The following WDR44 variants were observed in gnomAD, a reference collection of about 807,000 sequenced individuals.
WDR44 encodes the protein WD repeat domain 44, also known as WD repeat-containing protein 44.
A neutral mutation model predicts 65.7 loss-of-function variants in WDR44; 9 were observed. The ratio of observed to expected loss-of-function variants is 0.14; its 90% confidence interval spans 0.08 to 0.24. The LOEUF is 0.24. Ranked by LOEUF, WDR44 falls within the 10% of genes least tolerant of loss-of-function variation. WDR44 has a pLI of 1.00. For missense variants in WDR44, 425 were observed against 670.9 expected (o/e 0.63, Z 4.05); for synonymous variants, 220 against 235.2 (o/e 0.94, Z 0.59).
chrX:118,420,948 G>C (rs1288222969), intron 12 of WDR44, among the ~76,000 whole-genome samples: 5 of 112,091 alleles, frequency 4.5e-5, no homozygotes, highest in African/African-American at 1.3e-4. Flanking sequence ...GTACTTCACA[G>C]ATTTTAGTAT....
chrX:118,415,035 T>TA (rs1165181166), intron 12 of WDR44, among the ~76,000 whole-genome samples: 2 of 111,892 alleles, frequency 1.8e-5, no homozygotes, highest in African/African-American at 6.5e-5. Context: ...TGGCTTTTAT[T>TA]ACACTGAGAT....
intron 16 of WDR44, 103 bp downstream of exon 16, chrX:118,442,448 G>A (rs959781749): frequency 7.2e-5 from 68 of 945,296 alleles, no homozygotes; most frequent in Non-Finnish European, 9.2e-5. Flanking sequence ...GTGGAATACC[G>A]CTTTTCTTCT....
chrX:118,380,504 G>A (rs2056704862), intron 2 of WDR44, among the ~76,000 whole-genome samples: 1 of 111,800 alleles, frequency 8.9e-6, no homozygotes. Flanking sequence ...GGTTGAAAGG[G>A]TCACGATCCA....
chrX:118,420,801 T>C (rs780475989), intron 12 of WDR44, among the ~76,000 whole-genome samples: 8 of 112,623 alleles, frequency 7.1e-5, no homozygotes, highest in Non-Finnish European at 1.1e-4. Context: ...TCTTATTATT[T>C]TCCCTGAATC....
chrX:118,390,212 G>A (rs1220042627), intron 3 of WDR44, among the ~76,000 whole-genome samples: 1 of 110,993 alleles, frequency 9.0e-6, no homozygotes, highest in Admixed American at 9.7e-5. Flanking sequence ...ATAAGTCACC[G>A]TGTCCGGTCA....
At chrX:118,370,684 A>C (rs1198778714) in intron 1 of WDR44, among the ~76,000 whole-genome samples, 1 of 110,303 alleles carries the variant, frequency 9.1e-6, no homozygotes, top group African/African-American at 3.3e-5. Flanking sequence ...TCCTGGTTTA[A>C]GGAATTCTCC....
Position 118,346,447 on chromosome X carries a change from A to G in WDR44, c.-57A>G. The G allele has an allele frequency of 3.7e-6, 4 of 1,079,206 alleles. No individual in the cohort carries two copies. The highest frequency in any genetic ancestry group is 5.2e-6 in the Non-Finnish European group (4 of 776,590). The allele number at this position is 1,079,206 out of a possible 1,213,427, so 88.9% of individuals were successfully genotyped here. On this transcript the variant is annotated 5_prime_UTR_variant, in exon 1 of 20. Transcript: ENST00000254029. Reference sequence around the variant, plus strand: ...GGTGGAGGTCGACGAGGAGGAGACAAGAGTCACCCTTCCTCCAGGCGGCGC... The same window carrying G: ...GGTGGAGGTCGACGAGGAGGAGACAGGAGTCACCCTTCCTCCAGGCGGCGC...
chrX:118,426,002 G>A (rs375004730), intron 12 of WDR44, among the ~76,000 whole-genome samples: 2 of 112,281 alleles, frequency 1.8e-5, no homozygotes, highest in East Asian at 5.6e-4. Context: ...TTGAACCCGG[G>A]AGGCGGAGGT....
chrX:118,346,307 C>T lies in WDR44; in HGVS notation c.-197C>T, dbSNP rs1275906143. On this transcript the variant is annotated 5_prime_UTR_variant, in exon 1 of 20. Coordinates refer to ENST00000254029, the MANE Select transcript of WDR44 (RefSeq NM_019045.5). Reference sequence around the variant, plus strand: ...CCGCCTCTTCAGGCGGCCGCTTTGCCGGTCATTCCCGAAGCCCGGCAACTG... The same window carrying T: ...CCGCCTCTTCAGGCGGCCGCTTTGCTGGTCATTCCCGAAGCCCGGCAACTG... 2.4e-6 allele frequency: 1 copy of T among 419,291 alleles called. No individual in the cohort carries two copies. The highest frequency in any genetic ancestry group is 4.2e-6 in the Non-Finnish European group (1 of 239,537). 34.6% of individuals were successfully genotyped at this position (419,291 alleles called of 1,213,427 possible). A position where few individuals can be genotyped will look rare whatever the true frequency, so the allele number is the denominator to read the frequency against.
At chrX:118,347,214 T>C (rs185712294) in intron 1 of WDR44, among the ~76,000 whole-genome samples, 2 of 112,172 alleles carry the variant, frequency 1.8e-5, no homozygotes, top group Non-Finnish European at 3.8e-5. Flanking sequence ...ACGGTCCCTA[T>C]TAGGCAGAAT....
intron 12 of WDR44, among the ~76,000 whole-genome samples, chrX:118,422,537 C>T (rs944742070): frequency 1.1e-4 from 12 of 108,790 alleles, no homozygotes; most frequent in South Asian, 4.0e-4. Context: ...ACTAAAAATA[C>T]GAAAATTAGC....
chrX:118,377,723 C>CTTTT (rs1189608732), intron 1 of WDR44, among the ~76,000 whole-genome samples: 6 of 78,738 alleles, frequency 7.6e-5, no homozygotes, highest in East Asian at 8.3e-4. Context: ...TCTTCTCTCT[C>CTTTT]TTTTTTTTTT....
chrX:118,378,195 C>T (rs377679446), intron 1 of WDR44, among the ~76,000 whole-genome samples: 1 of 111,929 alleles, frequency 8.9e-6, no homozygotes, highest in Non-Finnish European at 1.9e-5. Flanking sequence ...TCAGGTGATC[C>T]GCCTGCCTCA....
chrX:118,440,949 C>CTTTTTTTTTT lies in WDR44; in HGVS notation c.1975-399_1975-390dup, dbSNP rs1214126337. On this transcript the variant is annotated intron_variant, in intron 14 of 19. Transcript: ENST00000254029. ...AAGAATAAAAATTTTTAAATGAAAT[C>CTTTTTTTTTT]TTTTTTTTTTTTTTTTTTTTTTTTT... is the stretch of plus-strand genomic sequence containing the variant. 3.2e-4 allele frequency among the ~76,000 whole-genome samples: 16 copies of CTTTTTTTTTT among 50,367 alleles called. 2 individuals carry two copies. The highest frequency in any genetic ancestry group is 2.9e-3 in the South Asian group (2 of 686). The allele number at this position is 50,367 out of a possible 115,157, so 43.7% of individuals were successfully genotyped here. A position where few individuals can be genotyped will look rare whatever the true frequency, so the allele number is the denominator to read the frequency against.
chrX:118,441,270 A>G lies in WDR44; in HGVS notation c.1975-98A>G, dbSNP rs1184245256. 1.1e-5 allele frequency: 10 copies of G among 871,415 alleles called. No homozygotes were observed. In the African/African-American group the frequency reaches 2.0e-4, roughly 18 times the overall value. The allele number at this position is 871,415 out of a possible 1,213,427, so 71.8% of individuals were successfully genotyped here. The stretch of plus-strand genomic sequence containing the variant: ...CACCGCACCTGGCCCTGAAATCTAC[A>G]TTTTTAAACTATTCTAATAGACTTA... On this transcript the variant is annotated intron_variant, in intron 14 of 19. Transcript: ENST00000254029.
intron 4 of WDR44, 50 bp from the exon 5 acceptor site, chrX:118,394,005 G>A (rs1255765492): frequency 1.8e-6 from 2 of 1,109,168 alleles, no homozygotes; most frequent in Non-Finnish European, 1.2e-6. Flanking sequence ...GTTGTTACAA[G>A]AATCAAACAA....
intron 1 of WDR44, among the ~76,000 whole-genome samples, chrX:118,357,120 T>C (rs1445646595): frequency 1.8e-5 from 2 of 111,021 alleles, no homozygotes; most frequent in African/African-American, 3.3e-5. Flanking sequence ...CATGAGCCAC[T>C]GTACCTGGCC....
At chrX:118,387,866 T>A (rs1370032680) in intron 3 of WDR44, among the ~76,000 whole-genome samples, 3 of 111,669 alleles carry the variant, frequency 2.7e-5, no homozygotes, top group Non-Finnish European at 3.8e-5. Flanking sequence ...GAGCACAAGA[T>A]CAGTATTTTG....
In WDR44 at chrX:118,402,684, G is replaced by T. The variant is rs367781551; in HGVS notation, c.1275-1654G>T. On this transcript the variant is annotated intron_variant, in intron 8 of 19. Coordinates refer to ENST00000254029, the MANE Select transcript of WDR44 (RefSeq NM_019045.5). ...GGTCTATTGATCCTGGGATGTCAAG[G>T]CTGCAGTGAGCCAAAATCATGCCAC... 1.1e-4 allele frequency among the ~76,000 whole-genome samples: 12 copies of T among 110,600 alleles called. No individual in the cohort carries two copies. The East Asian group carries it at 3.4e-3, about 32-fold the overall frequency.
Sources: gnomAD v4.1 joint callset for allele counts (sites outside exome capture counted in the v4.1 genomes callset) on GRCh38, gnomAD v4.1.1 for gene constraint, MANE v1.5 for transcripts, NCBI Gene and HGNC (gene_info 2026-07-23, HGNC 2026-07-21) for gene names.